Variants in ADAMTS17 observed in about 807,000 individuals in gnomAD.
ADAMTS17 encodes A disintegrin and metalloproteinase with thrombospondin motifs 17.
Under a neutral mutation model 141.5 loss-of-function variants are expected in ADAMTS17, and 113 were observed. That is an observed-to-expected ratio of 0.80 (90% CI 0.69 to 0.93). The LOEUF is 0.93. Ranked by LOEUF, ADAMTS17 falls within the 40% of genes least tolerant of loss-of-function variation. The pLI is 0.00. For missense variants in ADAMTS17, 1,659 were observed against 1,517.9 expected (o/e 1.09, Z -1.54); for synonymous variants, 768 against 630.6 (o/e 1.22, Z -3.27).
At chr15:100,278,150 A>AG (rs1328820665) in intron 4 of ADAMTS17, among the ~76,000 whole-genome samples, 9 of 152,218 alleles carry the variant, frequency 5.9e-5, no homozygotes, top group African/African-American at 1.9e-4. Context: ...GGAGAGGGAA[A>AG]GGGGGAAGAT....
chr15:100,140,488 C>CATATCTATATATATATATATATAT (rs2038578989), intron 10 of ADAMTS17, among the ~76,000 whole-genome samples: 2 of 124,936 alleles, frequency 1.6e-5, no homozygotes, highest in Non-Finnish European at 3.5e-5. Context: ...CACATACATA[C>CATATCTATATATATATATATATAT]ATATATATAT....
At chr15:100,053,304 G>A (rs528016957) in intron 16 of ADAMTS17, among the ~76,000 whole-genome samples, 17 of 152,278 alleles carry the variant, frequency 1.1e-4, no homozygotes, top group African/African-American at 4.1e-4. Context: ...AGGCCTCCCT[G>A]AGACAACAGG....
chr15:100,040,220 T>C (rs2031124069), intron 18 of ADAMTS17, among the ~76,000 whole-genome samples: 1 of 152,168 alleles, frequency 6.6e-6, no homozygotes, highest in Non-Finnish European at 1.5e-5. Flanking sequence ...CACCAACATA[T>C]CCAAGCTCAT....
rs565758286 is a variant in ADAMTS17 at position 99,999,070 on chromosome 15, G to A, written c.2592-1481C>T. On this transcript the variant is annotated intron_variant, in intron 18 of 21. Transcript: ENST00000268070. ...TACTGGACGGTGCCAGCTGTCTCTCGCTTTCCGGTCCCAGCTGAGTGGCTC... is the reference window on the plus strand; with the variant it reads ...TACTGGACGGTGCCAGCTGTCTCTCACTTTCCGGTCCCAGCTGAGTGGCTC... Among the ~76,000 whole-genome samples, 7 of 152,186 alleles carry A rather than the reference G, an allele frequency of 4.6e-5. No homozygotes were observed. The East Asian group carries it at 5.8e-4, about 13-fold the overall frequency.
chr15:100,203,950 CATTTA>C (rs1163734613), intron 7 of ADAMTS17, among the ~76,000 whole-genome samples: 3 of 152,130 alleles, frequency 2.0e-5, no homozygotes, highest in Admixed American at 6.5e-5. Context: ...TGGAGAAGCT[CATTTA>C]ATTTATCGAG....
chr15:100,166,522 A>G (rs1466508207), intron 8 of ADAMTS17, among the ~76,000 whole-genome samples: 1 of 149,120 alleles, frequency 6.7e-6, no homozygotes, highest in Admixed American at 6.9e-5. Context: ...CAGATTACTC[A>G]TAGGTAGGTA....
chr15:100,259,331 C>A (rs2043436881), intron 6 of ADAMTS17, among the ~76,000 whole-genome samples: 1 of 152,216 alleles, frequency 6.6e-6, no homozygotes, highest in African/African-American at 2.4e-5. Context: ...ATCATGGTAC[C>A]CTTAACCTGA....
chr15:100,113,095 C>T (rs192063011), intron 13 of ADAMTS17, among the ~76,000 whole-genome samples: 6 of 152,260 alleles, frequency 3.9e-5, no homozygotes, highest in South Asian at 2.1e-4. Flanking sequence ...CTGCCCAACC[C>T]GGCCCCCTCA....
At chr15:100,020,065 C>T (rs2061374310) in intron 18 of ADAMTS17, among the ~76,000 whole-genome samples, 1 of 152,074 alleles carries the variant, frequency 6.6e-6, no homozygotes, top group Non-Finnish European at 1.5e-5. Context: ...CGGAATCGTA[C>T]CCATCAGAAA....
At chr15:100,230,238 A>G (rs1473001127) in intron 7 of ADAMTS17, among the ~76,000 whole-genome samples, 2 of 152,222 alleles carry the variant, frequency 1.3e-5, no homozygotes, top group African/African-American at 4.8e-5. Flanking sequence ...CACGAAAGCC[A>G]CACTTGCAGA....
intron 18 of ADAMTS17, among the ~76,000 whole-genome samples, chr15:100,022,904 T>C (rs986468332): frequency 6.6e-6 from 1 of 152,226 alleles, no homozygotes; most frequent in Non-Finnish European, 1.5e-5. Context: ...TGGCATTCAC[T>C]CATCCATATG....
chr15:100,048,870 G>A lies in ADAMTS17; in HGVS notation c.2578C>T (p.Pro860Ser). 6.2e-7 allele frequency: 1 copy of A among 1,614,152 alleles called. No individual in the cohort carries two copies. Among genetic ancestry groups the A allele is most frequent in the East Asian group, 2.2e-5 (1 of 44,876 alleles). The change falls in exon 18 of 22, where the codon CCC becomes TCC. Residue 860 changes from proline to serine, a missense_variant. Physicochemically the swap from Pro to Ser is moderately conservative, Grantham distance 74. Coordinates refer to ENST00000268070, the MANE Select transcript of ADAMTS17 (RefSeq NM_139057.4). The part of the protein sequence containing the change: ...EPQVRRCNLH[P>S]CQSRWVAGPW... ...CCAGCTTCTTACCGTGACTGGCAGG[G>A]GTGCAAGTTGCACCTTCGGACCTGG...
chr15:100,153,997 A>G (rs1349546570), intron 9 of ADAMTS17, among the ~76,000 whole-genome samples: 1 of 152,234 alleles, frequency 6.6e-6, no homozygotes, highest in Non-Finnish European at 1.5e-5. Flanking sequence ...CCTGGCCAAC[A>G]TGGCGAAACC....
intron 13 of ADAMTS17, among the ~76,000 whole-genome samples, chr15:100,111,375 C>G (rs574888136): frequency 6.6e-6 from 1 of 152,218 alleles, no homozygotes; most frequent in Admixed American, 6.5e-5. Flanking sequence ...AGCTGTCCTT[C>G]CACTTGCAGG....
chr15:100,253,269 T>C (rs796795731), intron 7 of ADAMTS17, among the ~76,000 whole-genome samples: 11 of 148,350 alleles, frequency 7.4e-5, no homozygotes, highest in Admixed American at 2.0e-4. Context: ...TGGTTTCCAT[T>C]TGAAATCCAT....
At chr15:100,009,747 G>A (rs2061120614) in intron 18 of ADAMTS17, among the ~76,000 whole-genome samples, 1 of 152,182 alleles carries the variant, frequency 6.6e-6, no homozygotes, top group African/African-American at 2.4e-5. Context: ...TATGTGGACG[G>A]TCCGAACCAA....
intron 20 of ADAMTS17, among the ~76,000 whole-genome samples, chr15:99,986,971 CG>C (rs2060601948): frequency 6.6e-6 from 1 of 152,210 alleles, no homozygotes; most frequent in African/African-American, 2.4e-5. Context: ...CCCTCATACA[CG>C]ACCCTGGTTA....
chr15:100,057,475 C>T (rs1024151622), intron 15 of ADAMTS17, among the ~76,000 whole-genome samples: 2 of 152,146 alleles, frequency 1.3e-5, no homozygotes, highest in Non-Finnish European at 2.9e-5. Context: ...CCGGCTGAGT[C>T]CCATATCCAC....
At chr15:100,133,138 T>C (rs768685046) in intron 11 of ADAMTS17, 76 bp downstream of exon 11, 82 of 1,370,520 alleles carry the variant, frequency 6.0e-5, no homozygotes, top group Admixed American at 1.4e-4. Context: ...GAGTACAGAT[T>C]GTGTGTCAGA....
Sources: allele counts gnomAD v4.1 joint callset (sites outside exome capture counted in the v4.1 genomes callset), GRCh38; gene constraint gnomAD v4.1.1; transcripts MANE v1.5; gene names NCBI Gene and HGNC (gene_info 2026-07-23, HGNC 2026-07-21).